KIAA1210: variants seen among roughly 807,000 people sequenced by gnomAD.
KIAA1210 encodes the protein acrosomal protein KIAA1210.
Under a neutral mutation model 78.9 loss-of-function variants are expected in KIAA1210, and 48 were observed. The observed-to-expected ratio is 0.61, with a 90% CI of 0.48 to 0.77. KIAA1210 has a LOEUF of 0.77. Among genes scored for constraint, KIAA1210 ranks in the 30% least tolerant of loss-of-function variants. KIAA1210 has a pLI of 0.00. For missense variants in KIAA1210, 1,108 were observed against 1,100.0 expected (o/e 1.01, Z -0.10); for synonymous variants, 406 against 404.5 (o/e 1.00, Z -0.04).
chrX:119,083,198 G>C (rs1284612966), intron 10 of KIAA1210, 78 bp from the exon 11 acceptor site: 1 of 720,128 alleles, frequency 1.4e-6, no homozygotes, highest in Non-Finnish European at 2.1e-6. Context: ...GAGGACCATA[G>C]AGTGCAAGCC....
At chrX:119,128,504 TTGC>T (rs770437296), upstream of KIAA1210, among the ~76,000 whole-genome samples, 1 of 108,850 alleles carries the variant, frequency 9.2e-6, no homozygotes, top group South Asian at 4.2e-4. Flanking sequence ...ATCTTTGCAT[TTGC>T]TGCTTTCTCT....
At position 119,087,302 on chromosome X, in the gene KIAA1210, CT is replaced by C. The variant is rs1202369933; in HGVS notation, c.3399del (p.Val1134SerfsTer43). 4 of 1,209,204 alleles carry C rather than the reference CT, an allele frequency of 3.3e-6. No individual in the cohort carries two copies. Among genetic ancestry groups the C allele is most frequent in the Non-Finnish European group, 4.5e-6 (4 of 894,957 alleles). On this transcript the variant is annotated frameshift_variant, in exon 9 of 12. Coordinates refer to ENST00000691062, the MANE Select transcript of KIAA1210 (RefSeq NM_001394962.1). LOFTEE classifies it high-confidence loss of function. The stretch of plus-strand genomic sequence containing the variant: ...GGAGAACTGGCAGAAACAGGGGAGA[CT>C]TTTTGCTCATACTCAGGTTTCCTCA... Reference protein sequence around the residue: ...QALRKPEYEQKVSPVSASSPK... With the variant: ...QALRKPEYEQXVSPVSASSPK...
At chrX:119,145,477 G>T (rs62601579) in intron 2 of KIAA1210, among the ~76,000 whole-genome samples, 2,745 of 110,666 alleles carry the variant, frequency 0.025, 42 homozygotes, top group Middle Eastern at 0.052. Flanking sequence ...GAGGGTCAAG[G>T]TAAGTACTAT....
intron 5 of KIAA1210, among the ~76,000 whole-genome samples, chrX:119,107,866 C>T (rs897090409): frequency 8.9e-6 from 1 of 111,922 alleles, no homozygotes. Flanking sequence ...TCAGCTCCCC[C>T]TGAAGCATTT....
At position 119,087,641 on chromosome X, in the gene KIAA1210, C is replaced by T. The variant is rs768550791; in HGVS notation, c.3061G>A (p.Val1021Met). 9.9e-6 allele frequency: 12 copies of T among 1,211,107 alleles called. No individual in the cohort carries two copies. Among genetic ancestry groups the T allele is most frequent in the South Asian group, 1.8e-5 (1 of 56,773 alleles). The change falls in exon 9 of 12, where the codon GTG becomes ATG. Residue 1021 changes from valine (V) to methionine (M), a missense_variant. Val to Met is a conservative substitution (Grantham distance 21). This residue lies in a region of KIAA1210 where 179 missense variants were observed against 174.1 expected (regional missense o/e 1.03). Coordinates refer to ENST00000691062, the MANE Select transcript of KIAA1210 (RefSeq NM_001394962.1). ...AAGATTTGCTGTGCCATAAATTTCA[C>T]GAATGACTGGGTCGGACGCCTGGGA... is the stretch of plus-strand genomic sequence containing the variant. ...PIPRRPTQSF[V>M]KFMAQQIFSE...
At chrX:119,112,047 G>A (rs1043823204) in intron 3 of KIAA1210, among the ~76,000 whole-genome samples, 14 of 111,111 alleles carry the variant, frequency 1.3e-4, no homozygotes, top group African/African-American at 3.6e-4. Flanking sequence ...TGCTGTTCTC[G>A]TGATAGTGAG....
At chrX:119,134,246 C>A (rs1279080704) in intron 2 of KIAA1210, among the ~76,000 whole-genome samples, 1 of 111,384 alleles carries the variant, frequency 9.0e-6, no homozygotes, top group Non-Finnish European at 1.9e-5. Context: ...TCTGTGCCTG[C>A]CTTATTTCAC....
At chrX:119,142,809 G>C (rs1397017479) in intron 2 of KIAA1210, among the ~76,000 whole-genome samples, 3 of 105,252 alleles carry the variant, frequency 2.9e-5, no homozygotes, top group Middle Eastern at 5.0e-3. Context: ...AGGAAAGAGA[G>C]GGGAGGAGGT....
chrX:119,146,394 A>G (rs763641985), intron 2 of KIAA1210, among the ~76,000 whole-genome samples: 2 of 112,089 alleles, frequency 1.8e-5, no homozygotes, highest in East Asian at 5.6e-4. Context: ...TCCTGATGAA[A>G]TAATATACTT....
At chrX:119,096,234 G>A (rs1237599017) in intron 7 of KIAA1210, among the ~76,000 whole-genome samples, 2 of 112,261 alleles carry the variant, frequency 1.8e-5, no homozygotes, top group Non-Finnish European at 3.8e-5. Flanking sequence ...GTTTATGGGG[G>A]TTTAAATCAT....
chrX:119,108,820 G>A (rs1330807975), intron 4 of KIAA1210, among the ~76,000 whole-genome samples: 1 of 107,372 alleles, frequency 9.3e-6, no homozygotes, highest in Non-Finnish European at 1.9e-5. Context: ...CTCCAGCCTA[G>A]GTGACAGAGT....
intron 4 of KIAA1210, among the ~76,000 whole-genome samples, chrX:119,108,756 G>A (rs1927973492): frequency 9.3e-6 from 1 of 108,078 alleles, no homozygotes; most frequent in Admixed American, 9.9e-5. Context: ...CAGCTACTCG[G>A]GAAGCTGAGC....
intron 2 of KIAA1210, among the ~76,000 whole-genome samples, chrX:119,140,361 T>A (rs977770612): frequency 1.0e-4 from 11 of 109,378 alleles, no homozygotes; most frequent in African/African-American, 3.7e-4. Flanking sequence ...AAACCCCATC[T>A]CTACTAAAAA....
upstream of KIAA1210, among the ~76,000 whole-genome samples, chrX:119,151,002 C>T (rs1238969383): frequency 8.9e-6 from 1 of 112,577 alleles, no homozygotes; most frequent in African/African-American, 3.2e-5. Context: ...TGGCCGGTTA[C>T]GTGCCTTGCC....
At chrX:119,132,183 G>A (rs967839652), upstream of KIAA1210, among the ~76,000 whole-genome samples, 2 of 112,307 alleles carry the variant, frequency 1.8e-5, no homozygotes, top group African/African-American at 3.2e-5. Flanking sequence ...CAGCCCTGAC[G>A]GCGATTGAGC....
chrX:119,136,144 T>C (rs1304209963), intron 2 of KIAA1210, among the ~76,000 whole-genome samples: 1 of 111,926 alleles, frequency 8.9e-6, no homozygotes, highest in East Asian at 2.8e-4. Context: ...GGATTTGATA[T>C]AGATATCTCC....
intron 2 of KIAA1210, among the ~76,000 whole-genome samples, chrX:119,117,913 T>A (rs1237762659): frequency 9.0e-6 from 1 of 111,515 alleles, no homozygotes; most frequent in Non-Finnish European, 1.9e-5. Context: ...ACGCCGGGCC[T>A]CTTTAGTTTC....
At chrX:119,120,543 G>A (rs1393491547) in intron 2 of KIAA1210, among the ~76,000 whole-genome samples, 1 of 112,155 alleles carries the variant, frequency 8.9e-6, no homozygotes, top group Admixed American at 9.4e-5. Flanking sequence ...ATCATTGTAT[G>A]AGCAGAAAAA....
At chrX:119,095,124 A>C (rs1927510802) in intron 7 of KIAA1210, among the ~76,000 whole-genome samples, 1 of 112,376 alleles carries the variant, frequency 8.9e-6, no homozygotes, top group Admixed American at 9.4e-5. Flanking sequence ...GGTGGGATGA[A>C]AAAAGTGTTG....
Sources: allele counts gnomAD v4.1 joint callset (sites outside exome capture counted in the v4.1 genomes callset), GRCh38; gene constraint gnomAD v4.1.1; regional missense constraint gnomAD v4.1.1; transcripts MANE v1.5; gene names NCBI Gene and HGNC (gene_info 2026-07-23, HGNC 2026-07-21).